The following GBE1 variants were observed in gnomAD, a reference collection of about 807,000 sequenced individuals.
GBE1 encodes 1,4-alpha-glucan-branching enzyme.
GBE1 carries 70 observed loss-of-function variants against 88.8 expected under a neutral mutation model. The observed-to-expected ratio is 0.79, with a 90% CI of 0.65 to 0.96. The LOEUF (loss-of-function observed/expected upper bound fraction) is 0.96, where lower values mean the gene tolerates loss of function less well. GBE1 is among the 40% of genes least tolerant of loss of function. The probability of loss-of-function intolerance (pLI) is 0.00; values close to 1 mark genes in which losing one functional copy is unlikely to be tolerated. For missense variants in GBE1, 872 were observed against 871.0 expected, an observed-to-expected ratio of 1.00 and a Z score of -0.01; for synonymous variants, 284 against 300.1, an observed-to-expected ratio of 0.95 and a Z score of 0.56.
At position 81,535,183 on chromosome 3, in the gene GBE1, C is replaced by G. The variant is rs1703058471; in HGVS notation, c.1934+12G>C. The G allele has an allele frequency of 1.3e-6, 2 of 1,599,652 alleles. No individual in the cohort carries two copies. The highest frequency in any genetic ancestry group is 1.7e-6 in the Non-Finnish European group (2 of 1,174,272). On this transcript the variant is annotated intron_variant, in intron 14 of 15. Coordinates refer to ENST00000429644, the MANE Select transcript of GBE1 (RefSeq NM_000158.4). ...TGTGGACAGTCATATTCACTGGTAA[C>G]AAAAAGGATATTTCCCTGGCAATGC...
chr3:81,675,995 T>C (rs1705246001), intron 2 of GBE1, among the ~76,000 whole-genome samples: 2 of 152,144 alleles, frequency 1.3e-5, no homozygotes, highest in South Asian at 4.1e-4. Context: ...ATGATCCACT[T>C]TCACTTAATG....
At chr3:81,507,872 C>G (rs1189444194) in intron 14 of GBE1, among the ~76,000 whole-genome samples, 1 of 152,098 alleles carries the variant, frequency 6.6e-6, no homozygotes, top group African/African-American at 2.4e-5. Context: ...CTATTATAGT[C>G]TAGGATGTGC....
intron 7 of GBE1, among the ~76,000 whole-genome samples, chr3:81,622,109 A>G (rs577657660): frequency 6.6e-6 from 1 of 152,228 alleles, no homozygotes; most frequent in South Asian, 2.1e-4. Context: ...CTTTGTAAAT[A>G]TCCTCTCTCT....
intron 14 of GBE1, among the ~76,000 whole-genome samples, chr3:81,521,422 G>A (rs1252972903): frequency 6.6e-6 from 1 of 151,504 alleles, no homozygotes; most frequent in African/African-American, 2.4e-5. Context: ...AATACCAATG[G>A]CATAGAATAT....
intron 9 of GBE1, among the ~76,000 whole-genome samples, chr3:81,589,512 TAA>T (rs1160649685): frequency 7.0e-6 from 1 of 143,824 alleles, no homozygotes; most frequent in Non-Finnish European, 1.5e-5. Flanking sequence ...CATCTTTTTT[TAA>T]AAAAAAAAAA....
At chr3:81,640,486 C>T (rs1704657373) in intron 7 of GBE1, among the ~76,000 whole-genome samples, 1 of 152,086 alleles carries the variant, frequency 6.6e-6, no homozygotes, top group Non-Finnish European at 1.5e-5. Context: ...GGCTTCCCTA[C>T]TTTTGAGGTT....
chr3:81,734,353 C>T (rs2107208302), intron 1 of GBE1, among the ~76,000 whole-genome samples: 1 of 152,248 alleles, frequency 6.6e-6, no homozygotes, highest in South Asian at 2.1e-4. Context: ...CAAGTACCTT[C>T]TTTTCAAATT....
intron 1 of GBE1, among the ~76,000 whole-genome samples, chr3:81,726,730 C>A (rs961479459): frequency 1.3e-5 from 2 of 151,726 alleles, no homozygotes; most frequent in Non-Finnish European, 2.9e-5. Context: ...TACAGGCATG[C>A]GCCACCATGC....
chr3:81,503,957 A>G (rs1467964656), intron 14 of GBE1, among the ~76,000 whole-genome samples: 1 of 152,180 alleles, frequency 6.6e-6, no homozygotes, highest in East Asian at 1.9e-4. Flanking sequence ...GCTTACACTC[A>G]TGGCAGAAGG....
At chr3:81,543,286 C>G (rs930899907) in intron 12 of GBE1, among the ~76,000 whole-genome samples, 1 of 151,950 alleles carries the variant, frequency 6.6e-6, no homozygotes, top group Non-Finnish European at 1.5e-5. Flanking sequence ...CAAAGAGAGA[C>G]AGAAAAATTG....
At chr3:81,621,283 T>C (rs1319458959) in intron 7 of GBE1, among the ~76,000 whole-genome samples, 1 of 152,212 alleles carries the variant, frequency 6.6e-6, no homozygotes, top group African/African-American at 2.4e-5. Flanking sequence ...CTGCTGTGGC[T>C]TATTATTTAA....
rs778360679 is a variant in GBE1, at chr3:81,702,100, AGAGTGTGTGTGTGTGTGT to A, written c.313+3326_313+3343del. On this transcript the variant is annotated intron_variant, in intron 2 of 15. Transcript: ENST00000429644. ...AATCCCTGGAGAGAGAGAGAGAGAG[AGAGTGTGTGTGTGTGTGT>A]GTGTGTGTGTGTGTGTGTGTGTGTG... Among the ~76,000 whole-genome samples the A allele has an allele frequency of 4.8e-3, 365 of 76,288 alleles. 7 individuals are homozygous for A. Among genetic ancestry groups the A allele is most frequent in the African/African-American group, 0.022 (314 of 14,440 alleles). 50.0% of individuals were successfully genotyped at this position (76,288 alleles called of 152,430 possible).
At chr3:81,710,999 G>T (rs1705857892) in intron 1 of GBE1, among the ~76,000 whole-genome samples, 1 of 152,178 alleles carries the variant, frequency 6.6e-6, no homozygotes, top group Non-Finnish European at 1.5e-5. Context: ...GGGCGGCAGG[G>T]AGTTACTACT....
At chr3:81,596,541 A>G (rs779136965) in intron 7 of GBE1, among the ~76,000 whole-genome samples, 1 of 152,000 alleles carries the variant, frequency 6.6e-6, no homozygotes, top group Admixed American at 6.6e-5. Flanking sequence ...TTGCATAAGA[A>G]AAAATGAATT....
At chr3:81,685,978 T>C (rs1255010538) in intron 2 of GBE1, among the ~76,000 whole-genome samples, 6 of 152,028 alleles carry the variant, frequency 3.9e-5, no homozygotes, top group Admixed American at 3.9e-4. Flanking sequence ...AAATTTCGAG[T>C]CCCAACAGTT....
intron 1 of GBE1, among the ~76,000 whole-genome samples, chr3:81,740,236 A>G (rs551576708): frequency 1.7e-4 from 26 of 152,142 alleles, no homozygotes; most frequent in Middle Eastern, 3.4e-3. Context: ...AATAATAATA[A>G]TAATAGATTA....
intron 1 of GBE1, among the ~76,000 whole-genome samples, chr3:81,750,566 TATATATATAC>T (rs1706489771): frequency 1.0e-4 from 7 of 68,816 alleles, no homozygotes; most frequent in African/African-American, 4.9e-4. Context: ...TATATATGTA[TATATATATAC>T]GTATATATAT....
intron 7 of GBE1, among the ~76,000 whole-genome samples, chr3:81,639,817 C>T (rs1005997610): frequency 6.6e-6 from 1 of 152,120 alleles, no homozygotes; most frequent in Non-Finnish European, 1.5e-5. Context: ...TCCTAGCTGA[C>T]AGCCAGCACC....
chr3:81,563,131 A>G (rs1703443376), intron 12 of GBE1, among the ~76,000 whole-genome samples: 1 of 152,086 alleles, frequency 6.6e-6, no homozygotes. Context: ...AGCCTGCATG[A>G]ATAACACTGG....
Sources: allele counts gnomAD v4.1 joint callset (sites outside exome capture counted in the v4.1 genomes callset), GRCh38; gene constraint gnomAD v4.1.1; transcripts MANE v1.5; gene names NCBI Gene and HGNC (gene_info 2026-07-23, HGNC 2026-07-21).